Variants in ANO3 observed in about 807,000 individuals in gnomAD.
The protein encoded by ANO3 is anoctamin-3.
ANO3 carries 99 observed loss-of-function variants against 144.8 expected under a neutral mutation model. That is an observed-to-expected ratio of 0.68 (90% CI 0.58 to 0.81). ANO3 has a LOEUF of 0.81. Among genes scored for constraint, ANO3 ranks in the 30% least tolerant of loss-of-function variants. The pLI is 0.00. For missense variants in ANO3, 905 were observed against 1,202.2 expected, an observed-to-expected ratio of 0.75 and a Z score of 3.66; for synonymous variants, 414 against 392.6, an observed-to-expected ratio of 1.05 and a Z score of -0.64.
At chr11:26,512,343 C>T (rs1427311630) in intron 5 of ANO3, among the ~76,000 whole-genome samples, 3 of 152,162 alleles carry the variant, frequency 2.0e-5, no homozygotes, top group South Asian at 4.1e-4. Flanking sequence ...AGTGTGAAGG[C>T]AGTGGGTGTT....
chr11:26,438,809 C>CT (rs927991608), intron 1 of ANO3, among the ~76,000 whole-genome samples: 3 of 151,076 alleles, frequency 2.0e-5, no homozygotes, highest in Non-Finnish European at 2.9e-5. Context: ...TCATAGCTGC[C>CT]TTTTTTGCAT....
chr11:26,493,345 A>G (rs937923712), intron 4 of ANO3, among the ~76,000 whole-genome samples: 8 of 152,060 alleles, frequency 5.3e-5, no homozygotes, highest in Admixed American at 2.0e-4. Flanking sequence ...ATATTGTGTG[A>G]TTGTATATAC....
At chr11:26,206,181 T>C (rs1215757319) in intron 1 of ANO3, among the ~76,000 whole-genome samples, 1 of 152,222 alleles carries the variant, frequency 6.6e-6, no homozygotes, top group Non-Finnish European at 1.5e-5. Flanking sequence ...ATTACTAATT[T>C]GAGCATTTAG....
Position 26,248,934 on chromosome 11 carries a change from A to T in ANO3, c.154+59604A>T, listed in dbSNP as rs1590215298. ...CTATTGTGAACTGCACATGCAAAGGATCTAGGTTGTGTACTCCTTGTGAGA... is the reference window on the plus strand; with the variant it reads ...CTATTGTGAACTGCACATGCAAAGGTTCTAGGTTGTGTACTCCTTGTGAGA... On this transcript the variant is annotated intron_variant, in intron 1 of 27. Transcript: ENST00000672621. Among the ~76,000 whole-genome samples, 3 of 152,256 alleles carry T rather than the reference A, an allele frequency of 2.0e-5. No homozygotes were observed. In the East Asian group the frequency reaches 5.8e-4, roughly 29 times the overall value.
intron 1 of ANO3, among the ~76,000 whole-genome samples, chr11:26,359,770 T>A (rs1855874066): frequency 6.6e-6 from 1 of 152,170 alleles, no homozygotes; most frequent in Non-Finnish European, 1.5e-5. Context: ...CAGATTATTA[T>A]CTGTTAGCGG....
chr11:26,518,375 AT>A (rs1344901213), intron 6 of ANO3, among the ~76,000 whole-genome samples: 1 of 152,094 alleles, frequency 6.6e-6, no homozygotes, highest in Non-Finnish European at 1.5e-5. Flanking sequence ...ATACAAAACC[AT>A]GCAGAATAAA....
At chr11:26,602,055 C>T (rs1291543126) in intron 17 of ANO3, among the ~76,000 whole-genome samples, 4 of 151,952 alleles carry the variant, frequency 2.6e-5, no homozygotes, top group Admixed American at 1.3e-4. Context: ...TGGGATGGTA[C>T]GTTTTATGAT....
chr11:26,472,976 T>A (rs1590391656), intron 4 of ANO3, among the ~76,000 whole-genome samples: 1 of 151,972 alleles, frequency 6.6e-6, no homozygotes, highest in South Asian at 2.1e-4. Flanking sequence ...GTTGACTTCT[T>A]GCATGATGCA....
At position 26,332,215 on chromosome 11, in the gene ANO3, A is replaced by C; in HGVS notation, c.-61A>C. 4 of 1,613,960 alleles carry C rather than the reference A, an allele frequency of 2.5e-6. No homozygotes were observed. The highest frequency in any genetic ancestry group is 3.4e-6 in the Non-Finnish European group (4 of 1,179,938). The stretch of plus-strand genomic sequence containing the variant: ...ACCTTGGAGCGTCTAGAGTCTGGCT[A>C]CTGTTCCTCCGCCTCCCTCTCGGGC... On this transcript the variant is annotated 5_prime_UTR_variant, in exon 1 of 27. Transcript: ENST00000256737.
chr11:26,298,066 T>C (rs1854133967), intron 1 of ANO3, among the ~76,000 whole-genome samples: 1 of 152,218 alleles, frequency 6.6e-6, no homozygotes, highest in Admixed American at 6.5e-5. Context: ...ATTTTTCTCT[T>C]CTCTGCCTGG....
intron 1 of ANO3, among the ~76,000 whole-genome samples, chr11:26,239,482 CTT>C (rs1012634545): frequency 3.3e-5 from 5 of 152,294 alleles, no homozygotes; most frequent in Admixed American, 3.3e-4. Flanking sequence ...CAGGAAGTCT[CTT>C]TCCCTAGATC....
At chr11:26,607,161 C>T (rs115462271) in intron 17 of ANO3, among the ~76,000 whole-genome samples, 1,673 of 152,166 alleles carry the variant, frequency 0.011, 35 homozygotes, top group African/African-American at 0.038. Flanking sequence ...CACTCATAGT[C>T]TGATGGACTT....
intron 1 of ANO3, 61 bp from the exon 2 acceptor site, chr11:26,441,857 T>A (rs1858531680): frequency 7.6e-7 from 1 of 1,320,300 alleles, no homozygotes; most frequent in African/African-American, 1.5e-5. Context: ...GAATTAAAAC[T>A]TTTTATTGAC....
At chr11:26,441,723 C>T (rs1858528589) in intron 1 of ANO3, among the ~76,000 whole-genome samples, 195 bp from the exon 2 acceptor site, 1 of 152,100 alleles carries the variant, frequency 6.6e-6, no homozygotes, top group Non-Finnish European at 1.5e-5. Flanking sequence ...ATGTTTATGT[C>T]TCAAAACTAT....
chr11:26,568,863 T>C (rs1234471038), intron 14 of ANO3, among the ~76,000 whole-genome samples: 2 of 152,044 alleles, frequency 1.3e-5, no homozygotes, highest in African/African-American at 4.8e-5. Flanking sequence ...GCAAACATAA[T>C]GCTCCTTTTC....
chr11:26,503,915 C>T (rs10834992), intron 4 of ANO3, among the ~76,000 whole-genome samples: 91,041 of 151,894 alleles, frequency 0.6, 27,953 homozygotes, highest in East Asian at 0.68. Context: ...TATTTTTTTC[C>T]ACAAACCAGT....
upstream of ANO3, chr11:26,332,104 C>T: frequency 6.7e-6 from 10 of 1,485,092 alleles, no homozygotes; most frequent in Non-Finnish European, 8.9e-6. Context: ...GTTCCCATGA[C>T]AACGACACCG....
intron 1 of ANO3, among the ~76,000 whole-genome samples, chr11:26,192,632 A>G (rs1231305848): frequency 6.6e-6 from 1 of 152,188 alleles, no homozygotes; most frequent in East Asian, 1.9e-4. Context: ...ATTCATCTTA[A>G]ATTCCGTGCA....
intron 17 of ANO3, among the ~76,000 whole-genome samples, chr11:26,615,646 T>G (rs990971765): frequency 4.6e-5 from 7 of 152,120 alleles, no homozygotes; most frequent in African/African-American, 1.7e-4. Context: ...AAATGTTAAC[T>G]TTCTCTACAC....
Sources: allele counts gnomAD v4.1 joint callset (sites outside exome capture counted in the v4.1 genomes callset), GRCh38; gene constraint gnomAD v4.1.1; transcripts MANE v1.5; gene names NCBI Gene and HGNC (gene_info 2026-07-23, HGNC 2026-07-21).